Variants in ATRNL1 observed in about 807,000 individuals in gnomAD.
ATRNL1 encodes attractin like 1, also known as attractin-like protein 1.
Under a neutral mutation model 182.7 loss-of-function variants are expected in ATRNL1, and 95 were observed. That is an observed-to-expected ratio of 0.52 (90% confidence interval 0.44 to 0.62). ATRNL1 has a LOEUF of 0.62. Among genes scored for constraint, ATRNL1 ranks in the 20% least tolerant of loss-of-function variants. ATRNL1 has a pLI of 0.00. For synonymous variants in ATRNL1, 576 were observed against 568.3 expected (o/e 1.01, Z -0.19); for missense variants, 1,471 against 1,679.5 (o/e 0.88, Z 2.17).
intron 20 of ATRNL1, among the ~76,000 whole-genome samples, chr10:115,400,148 A>C (rs1372087210): frequency 6.6e-6 from 1 of 152,020 alleles, no homozygotes; most frequent in Non-Finnish European, 1.5e-5. Context: ...AAGAAGACAT[A>C]TATGTGGCCA....
rs77420788 is a variant in ATRNL1, at chr10:115,886,063, A to C, written c.4018+38072A>C. ...ACTTTCATTGTTGTGAGCTGATGAG[A>C]AAGGACAGAGGTCTGCTTAATAAGT... On this transcript the variant is annotated intron_variant, in intron 28 of 28. Coordinates refer to ENST00000355044, the MANE Select transcript of ATRNL1 (RefSeq NM_207303.4). Among the ~76,000 whole-genome samples the C allele has an allele frequency of 4.6e-3, 693 of 152,266 alleles. 8 individuals carry two copies. Among genetic ancestry groups the C allele is most frequent in the African/African-American group, 0.016 (662 of 41,532 alleles).
intron 27 of ATRNL1, among the ~76,000 whole-genome samples, chr10:115,828,456 C>CA (rs11387942): frequency 0.038 from 5,841 of 152,222 alleles, 328 homozygotes; most frequent in African/African-American, 0.12. Flanking sequence ...AGCAGAGATT[C>CA]TTCATGGCTT....
intron 8 of ATRNL1, among the ~76,000 whole-genome samples, chr10:115,179,749 A>T (rs1300746416): frequency 6.6e-6 from 1 of 152,152 alleles, no homozygotes; most frequent in Non-Finnish European, 1.5e-5. Context: ...TGTTGGCAGA[A>T]GTATAAACAT....
intron 27 of ATRNL1, among the ~76,000 whole-genome samples, chr10:115,826,326 C>G (rs994647880): frequency 7.9e-5 from 12 of 152,108 alleles, no homozygotes; most frequent in Non-Finnish European, 1.8e-4. Flanking sequence ...AGTGGCTTCC[C>G]TTCTTCGCTC....
chr10:115,464,719 G>T (rs1382949357), intron 22 of ATRNL1, among the ~76,000 whole-genome samples: 5 of 151,794 alleles, frequency 3.3e-5, no homozygotes, highest in East Asian at 3.9e-4. Context: ...CCAGCATAAG[G>T]TACATGTAAT....
intron 27 of ATRNL1, among the ~76,000 whole-genome samples, chr10:115,756,981 C>G (rs1316623507): frequency 6.6e-6 from 1 of 151,954 alleles, no homozygotes; most frequent in East Asian, 1.9e-4. Flanking sequence ...GTATTGCAAC[C>G]CCTGCTTTTT....
intron 20 of ATRNL1, among the ~76,000 whole-genome samples, chr10:115,419,213 A>T (rs1185249134): frequency 6.6e-6 from 1 of 152,212 alleles, no homozygotes; most frequent in East Asian, 1.9e-4. Context: ...TTATTGGTTT[A>T]AAATAACTTA....
At chr10:115,858,801 T>G (rs1285805001) in intron 28 of ATRNL1, among the ~76,000 whole-genome samples, 2 of 152,150 alleles carry the variant, frequency 1.3e-5, no homozygotes, top group Admixed American at 6.5e-5. Context: ...AAAATTACTT[T>G]TAATTGGTTA....
intron 19 of ATRNL1, among the ~76,000 whole-genome samples, chr10:115,377,724 T>G (rs2134220031): frequency 6.6e-6 from 1 of 152,316 alleles, no homozygotes. Flanking sequence ...CTTCTCCTGT[T>G]GGGTCCTTGG....
intron 19 of ATRNL1, among the ~76,000 whole-genome samples, chr10:115,336,835 ACTGT>A (rs1413155049): frequency 6.6e-6 from 1 of 151,564 alleles, no homozygotes; most frequent in African/African-American, 2.4e-5. Context: ...GTGTTGTGCA[ACTGT>A]CTGATTTTTT....
At chr10:115,531,441 T>A (rs1283219976) in intron 25 of ATRNL1, among the ~76,000 whole-genome samples, 1 of 152,234 alleles carries the variant, frequency 6.6e-6, no homozygotes, top group Non-Finnish European at 1.5e-5. Flanking sequence ...GAGAAGTGTC[T>A]GTTCATACCC....
At chr10:115,702,762 T>G (rs573668935) in intron 26 of ATRNL1, among the ~76,000 whole-genome samples, 1 of 152,104 alleles carries the variant, frequency 6.6e-6, no homozygotes, top group South Asian at 2.1e-4. Flanking sequence ...CAAGGAGAAC[T>G]ACAAAACACT....
At chr10:115,849,840 A>G (rs1158603190) in intron 28 of ATRNL1, among the ~76,000 whole-genome samples, 1 of 152,170 alleles carries the variant, frequency 6.6e-6, no homozygotes, top group Non-Finnish European at 1.5e-5. Context: ...GTTCCTGATG[A>G]TTTGTAGCAG....
At chr10:115,149,705 ATTAT>A (rs1846130257) in intron 5 of ATRNL1, among the ~76,000 whole-genome samples, 1 of 151,874 alleles carries the variant, frequency 6.6e-6, no homozygotes, top group African/African-American at 2.4e-5. Flanking sequence ...ATCATGGTTT[ATTAT>A]TTTTTTAATA....
intron 14 of ATRNL1, among the ~76,000 whole-genome samples, chr10:115,284,676 T>A (rs1375756681): frequency 6.6e-6 from 1 of 152,156 alleles, no homozygotes; most frequent in Non-Finnish European, 1.5e-5. Context: ...GCTTTTAAAA[T>A]TTTCCATTTG....
chr10:115,266,856 A>G lies in ATRNL1; in HGVS notation c.1832A>G (p.Lys611Arg). 6.2e-7 allele frequency: 1 copy of G among 1,612,392 alleles called. No individual in the cohort carries two copies. The highest frequency in any genetic ancestry group is 8.5e-7 in the Non-Finnish European group (1 of 1,178,884). The change falls in exon 12 of 29, where the codon AAG becomes AGG. Residue 611 changes from lysine (K) to arginine (R), a missense_variant. Coordinates refer to ENST00000355044, the MANE Select transcript of ATRNL1 (RefSeq NM_207303.4). ...CTCCTTAATGATATCCTTGTATACA[A>G]GCCTCCAAATTGCAAGGCTTTCAGA... ...SVLLNDILVYKPPNCKAFRDE... is the reference protein window; with the variant it reads ...SVLLNDILVYRPPNCKAFRDE...
intron 28 of ATRNL1, among the ~76,000 whole-genome samples, chr10:115,924,695 G>C (rs894516240): frequency 6.6e-6 from 1 of 151,980 alleles, no homozygotes; most frequent in Non-Finnish European, 1.5e-5. Context: ...TGCCTCCAGC[G>C]TTGTTCTTTT....
chr10:115,343,507 C>T (rs955552792), intron 19 of ATRNL1, among the ~76,000 whole-genome samples: 5 of 152,152 alleles, frequency 3.3e-5, no homozygotes, highest in African/African-American at 7.2e-5. Context: ...TTACATTCAT[C>T]TAATAGAATT....
chr10:115,266,141 A>G (rs1554910608), intron 11 of ATRNL1, among the ~76,000 whole-genome samples: 2 of 151,912 alleles, frequency 1.3e-5, no homozygotes, highest in Admixed American at 1.3e-4. Context: ...GATTCAATTT[A>G]TTATGTTAAT....
Sources: gnomAD v4.1 joint callset for allele counts (sites outside exome capture counted in the v4.1 genomes callset) on GRCh38, gnomAD v4.1.1 for gene constraint, MANE v1.5 for transcripts, NCBI Gene and HGNC (gene_info 2026-07-23, HGNC 2026-07-21) for gene names.